The following ZNF536 variants were observed in gnomAD, a reference collection of about 807,000 sequenced individuals.
ZNF536 encodes the protein zinc finger protein 536.
A neutral mutation model predicts 84.5 loss-of-function variants in ZNF536; 13 were observed. That is an observed-to-expected ratio of 0.15 (90% CI 0.10 to 0.24). ZNF536 has a LOEUF of 0.24. ZNF536 is among the 10% of genes least tolerant of loss of function. The probability of loss-of-function intolerance (pLI) is 1.00; values close to 1 mark genes in which losing one functional copy is unlikely to be tolerated. For synonymous variants in ZNF536, 811 were observed against 742.5 expected (o/e 1.09, Z -1.50); for missense variants, 1,536 against 1,747.5 (o/e 0.88, Z 2.16).
intron 1 of ZNF536, among the ~76,000 whole-genome samples, chr19:30,234,382 C>T (rs1304595871): frequency 6.7e-6 from 1 of 149,506 alleles, no homozygotes; most frequent in African/African-American, 2.5e-5. Flanking sequence ...CTATTTGGGA[C>T]CACTAGGCTC....
At chr19:30,436,582 A>G in intron 1 of ZNF536, 4 of 829,452 alleles carry the variant, frequency 4.8e-6, no homozygotes, top group Non-Finnish European at 5.8e-6. Context: ...ATGACCCTGA[A>G]AAGGTTCAGT....
At chr19:30,651,824 C>G (rs58221719) in intron 1 of ZNF536, among the ~76,000 whole-genome samples, 1 of 152,120 alleles carries the variant, frequency 6.6e-6, no homozygotes, top group African/African-American at 2.4e-5. Context: ...AAAAATGAGG[C>G]GATGAGGGCA....
intron 2 of ZNF536, among the ~76,000 whole-genome samples, chr19:30,330,060 A>G (rs1311086297): frequency 6.6e-6 from 1 of 152,224 alleles, no homozygotes; most frequent in African/African-American, 2.4e-5. Context: ...TAGGCATTCA[A>G]TAAATACTAC....
intron 2 of ZNF536, among the ~76,000 whole-genome samples, chr19:30,474,125 G>A (rs2053751566): frequency 6.6e-6 from 1 of 152,192 alleles, no homozygotes; most frequent in East Asian, 1.9e-4. Context: ...GGGAAAGAAG[G>A]CATGGCAGAG....
intron 2 of ZNF536, among the ~76,000 whole-genome samples, chr19:30,481,028 C>CAA (rs55924638): frequency 1.6e-4 from 18 of 114,172 alleles, no homozygotes; most frequent in East Asian, 5.7e-4. Context: ...GACCCTGTCT[C>CAA]AAAAAAAAAA....
chr19:30,372,822 A>G (rs879699453), intron 1 of ZNF536, among the ~76,000 whole-genome samples: 1 of 101,622 alleles, frequency 9.8e-6, no homozygotes, highest in Non-Finnish European at 2.4e-5. Flanking sequence ...AATTCTCTCC[A>G]TCACCCGCCC....
At chr19:30,667,544 G>T (rs745517143) in intron 1 of ZNF536, among the ~76,000 whole-genome samples, 9 of 151,372 alleles carry the variant, frequency 5.9e-5, no homozygotes, top group Non-Finnish European at 1.3e-4. Context: ...CAATGGCCTG[G>T]ATCAAGGTTA....
intron 1 of ZNF536, among the ~76,000 whole-genome samples, chr19:30,425,219 G>A (rs1355510501): frequency 1.3e-5 from 2 of 151,290 alleles, no homozygotes; most frequent in Non-Finnish European, 2.9e-5. Context: ...CAAACGCCAC[G>A]TGTTCCCCAA....
intron 1 of ZNF536, among the ~76,000 whole-genome samples, chr19:30,273,435 A>G (rs1195639431): frequency 6.6e-6 from 1 of 152,162 alleles, no homozygotes; most frequent in African/African-American, 2.4e-5. Flanking sequence ...CTGTTGTGAT[A>G]GGGGTGTAGT....
At chr19:30,246,085 G>T (rs1281833539) in intron 1 of ZNF536, among the ~76,000 whole-genome samples, 2 of 152,164 alleles carry the variant, frequency 1.3e-5, no homozygotes, top group South Asian at 4.1e-4. Context: ...TTGGTGAGCC[G>T]CTCATCTGAC....
intron 2 of ZNF536, among the ~76,000 whole-genome samples, chr19:30,485,908 T>C (rs563742522): frequency 1.4e-3 from 217 of 152,226 alleles, no homozygotes; most frequent in African/African-American, 4.9e-3. Flanking sequence ...CCTGCTTTTA[T>C]CATATCTCCA....
intron 2 of ZNF536, among the ~76,000 whole-genome samples, chr19:30,504,838 G>A (rs901903326): frequency 6.6e-6 from 1 of 151,988 alleles, no homozygotes; most frequent in Non-Finnish European, 1.5e-5. Flanking sequence ...GTGACCTGGG[G>A]CGCCATTTCC....
chr19:30,366,032 C>T (rs1031529263), intron 3 of ZNF536, among the ~76,000 whole-genome samples: 1 of 152,106 alleles, frequency 6.6e-6, no homozygotes, highest in Non-Finnish European at 1.5e-5. Context: ...TCATATCTAG[C>T]TGGGTTCTTG....
At chr19:30,630,494 G>A (rs952076529) in intron 1 of ZNF536, among the ~76,000 whole-genome samples, 18 of 152,214 alleles carry the variant, frequency 1.2e-4, no homozygotes, top group African/African-American at 3.9e-4. Flanking sequence ...GGGCATGCAA[G>A]AGCATGAATT....
At chr19:30,552,956 C>A (rs533830077) in intron 4 of ZNF536, among the ~76,000 whole-genome samples, 2 of 152,190 alleles carry the variant, frequency 1.3e-5, no homozygotes, top group African/African-American at 4.8e-5. Flanking sequence ...CACAGTGGGT[C>A]AGATCCCACT....
At chr19:30,585,355 T>A (rs1599885750) in intron 1 of ZNF536, among the ~76,000 whole-genome samples, 1 of 152,300 alleles carries the variant, frequency 6.6e-6, no homozygotes, top group East Asian at 1.9e-4. Flanking sequence ...TCTCAAAATA[T>A]TGTAGAATAC....
chr19:30,609,059 A>G (rs976177337), intron 1 of ZNF536, among the ~76,000 whole-genome samples: 1 of 152,238 alleles, frequency 6.6e-6, no homozygotes, highest in Non-Finnish European at 1.5e-5. Context: ...TTCGATGGAT[A>G]GGAACAGCTA....
Position 30,363,930 on chromosome 19 carries a change from G to C in ZNF536, c.-3+11446G>C, listed in dbSNP as rs117074717. ...TCAGATGCATTTGCAGATTTAGGAGGGGGAATTGAAGTGGTCATTCCCAGC... is the reference window on the plus strand; with the variant it reads ...TCAGATGCATTTGCAGATTTAGGAGCGGGAATTGAAGTGGTCATTCCCAGC... On this transcript the variant is annotated intron_variant, in intron 3 of 5. Coordinates refer to the ZNF536 transcript ENST00000585628. Among the ~76,000 whole-genome samples, 249 of 152,272 alleles carry C rather than the reference G, an allele frequency of 1.6e-3. 3 individuals are homozygous for C. In the East Asian group the frequency reaches 0.042, roughly 26 times the overall value.
chr19:30,613,476 A>G (rs1392205179), intron 1 of ZNF536, among the ~76,000 whole-genome samples: 1 of 152,180 alleles, frequency 6.6e-6, no homozygotes, highest in African/African-American at 2.4e-5. Flanking sequence ...ATTTTGAAAA[A>G]TCAGTGTAGA....
Sources: gnomAD v4.1 joint callset for allele counts (sites outside exome capture counted in the v4.1 genomes callset) on GRCh38, gnomAD v4.1.1 for gene constraint, MANE v1.5 for transcripts, NCBI Gene and HGNC (gene_info 2026-07-23, HGNC 2026-07-21) for gene names.